NGLY1: variants seen among roughly 807,000 people sequenced by gnomAD.
The protein encoded by NGLY1 is N-glycanase 1, also known as peptide-N(4)-(N-acetyl-beta-glucosaminyl)asparagine amidase.
A neutral mutation model predicts 84.6 loss-of-function variants in NGLY1; 68 were observed. That is an observed-to-expected ratio of 0.80 (90% CI 0.66 to 0.98). The LOEUF (loss-of-function observed/expected upper bound fraction) is 0.98, where lower values mean the gene tolerates loss of function less well. Among genes scored for constraint, NGLY1 ranks in the 50% least tolerant of loss-of-function variants. The probability of loss-of-function intolerance (pLI) is 0.00; values close to 1 mark genes in which losing one functional copy is unlikely to be tolerated. For synonymous variants in NGLY1, 280 were observed against 275.2 expected (o/e 1.02, Z -0.17); for missense variants, 779 against 770.2 (o/e 1.01, Z -0.14).
intron 4 of NGLY1, among the ~76,000 whole-genome samples, chr3:25,744,795 C>T (rs1371090115): frequency 6.6e-6 from 1 of 152,112 alleles, no homozygotes; most frequent in Non-Finnish European, 1.5e-5. Context: ...TTTCTTCTTC[C>T]TGATGTTTGG....
intron 4 of NGLY1, among the ~76,000 whole-genome samples, chr3:25,750,867 AC>A (rs1376384913): frequency 3.9e-5 from 6 of 152,160 alleles, no homozygotes; most frequent in Non-Finnish European, 8.8e-5. Flanking sequence ...CAGAATCCAC[AC>A]ATACTCATGT....
intron 3 of NGLY1, among the ~76,000 whole-genome samples, chr3:25,751,981 T>C (rs975251949): frequency 2.6e-5 from 4 of 152,148 alleles, no homozygotes; most frequent in African/African-American, 4.8e-5. Context: ...CTGTGCAACA[T>C]GTACTGCCCT....
At chr3:25,720,969 T>TAATC (rs34707518) in intron 10 of NGLY1, among the ~76,000 whole-genome samples, 3 of 15,800 alleles carry the variant, frequency 1.9e-4, no homozygotes, top group African/African-American at 2.5e-4. Flanking sequence ...TTGTTTGAAA[T>TAATC]CTTGGAAAGA....
intron 3 of NGLY1, among the ~76,000 whole-genome samples, chr3:25,753,998 T>C (rs1270973859): frequency 2.6e-5 from 4 of 152,034 alleles, no homozygotes; most frequent in Non-Finnish European, 5.9e-5. Context: ...ATTCAACAAA[T>C]AATGACAGAC....
chr3:25,723,237 C>T (rs945931498), intron 10 of NGLY1, among the ~76,000 whole-genome samples: 1 of 152,096 alleles, frequency 6.6e-6, no homozygotes, highest in African/African-American at 2.4e-5. Context: ...TGTCTGACAG[C>T]ATTTATTAAA....
intron 9 of NGLY1, among the ~76,000 whole-genome samples, chr3:25,731,324 G>A (rs769464716): frequency 6.6e-6 from 1 of 151,922 alleles, no homozygotes; most frequent in Non-Finnish European, 1.5e-5. Context: ...CTTCACAAAA[G>A]AGAATGAGGA....
At chr3:25,743,911 G>A (rs944779136) in intron 4 of NGLY1, among the ~76,000 whole-genome samples, 6 of 152,124 alleles carry the variant, frequency 3.9e-5, no homozygotes, top group Non-Finnish European at 8.8e-5. Flanking sequence ...GGGGCTCAGA[G>A]AAATAAAAGT....
At chr3:25,728,087 C>T (rs558783233) in intron 10 of NGLY1, among the ~76,000 whole-genome samples, 1 of 151,978 alleles carries the variant, frequency 6.6e-6, no homozygotes, top group Non-Finnish European at 1.5e-5. Flanking sequence ...TTAGAATAAT[C>T]CTGTAAGTTA....
chr3:25,741,797 C>T (rs576294168), intron 4 of NGLY1, among the ~76,000 whole-genome samples: 8 of 151,908 alleles, frequency 5.3e-5, no homozygotes, highest in South Asian at 4.2e-4. Flanking sequence ...TGGAGAACAG[C>T]CTGCCCAACA....
At chr3:25,765,491 T>C (rs1707519088) in intron 2 of NGLY1, among the ~76,000 whole-genome samples, 1 of 150,420 alleles carries the variant, frequency 6.6e-6, no homozygotes, top group Non-Finnish European at 1.5e-5. Flanking sequence ...CAGTCTGTAG[T>C]ACACAGACCT....
At position 25,764,257 on chromosome 3, in the gene NGLY1, T is replaced by C. The variant is rs1707453008; in HGVS notation, c.301A>G (p.Ile101Val). The change falls in exon 3 of 12, where the codon ATT (isoleucine) becomes GTT (valine). Residue 101 changes from isoleucine (I) to valine (V), a missense_variant. Physicochemically the swap from Ile to Val is conservative, Grantham distance 29 (BLOSUM62 3). Coordinates refer to ENST00000280700, the MANE Select transcript of NGLY1 (RefSeq NM_018297.4). ...CTCTCTATGGCAATCAGGTCACGAA[T>C]TTTTTGCAGCTGCTCCACTGAAGCT... is the stretch of plus-strand genomic sequence containing the variant. ...KKASVEQLQK[I>V]RDLIAIERSS... is the part of the protein sequence containing the mutation. 1.9e-6 allele frequency: 3 copies of C among 1,614,128 alleles called. No homozygotes were observed. Among genetic ancestry groups the C allele is most frequent in the Non-Finnish European group, 2.5e-6 (3 of 1,180,012 alleles).
chr3:25,748,974 G>A (rs778787562), intron 4 of NGLY1, among the ~76,000 whole-genome samples: 12 of 151,888 alleles, frequency 7.9e-5, no homozygotes, highest in Admixed American at 2.6e-4. Flanking sequence ...ATATTCAAAT[G>A]ACCAATAAGC....
intron 9 of NGLY1, 72 bp from the exon 10 acceptor site, chr3:25,729,390 G>T: frequency 1.0e-6 from 1 of 962,778 alleles, no homozygotes. Context: ...AAATTACTAA[G>T]CAGAGTGGTA....
intron 2 of NGLY1, among the ~76,000 whole-genome samples, chr3:25,767,803 T>C (rs1044261659): frequency 1.3e-5 from 2 of 152,134 alleles, no homozygotes; most frequent in East Asian, 1.9e-4. Flanking sequence ...TCTTACCATA[T>C]ACAAAAATCA....
chr3:25,727,724 T>TA (rs1705330204), intron 10 of NGLY1, among the ~76,000 whole-genome samples: 1 of 152,174 alleles, frequency 6.6e-6, no homozygotes, highest in African/African-American at 2.4e-5. Flanking sequence ...GATGAACAAA[T>TA]GAGTGTATAA....
chr3:25,772,693 G>T (rs1276326648), intron 2 of NGLY1, among the ~76,000 whole-genome samples: 1 of 150,966 alleles, frequency 6.6e-6, no homozygotes, highest in Non-Finnish European at 1.5e-5. Flanking sequence ...TGAATACTTT[G>T]TTTTTTTTTC....
At chr3:25,755,300 T>G (rs986895676) in intron 3 of NGLY1, 1 of 1,364,612 alleles carries the variant, frequency 7.3e-7, no homozygotes, top group Admixed American at 1.7e-5. Context: ...AGCTCCAAAC[T>G]ATAGGCTGAA....
chr3:25,725,797 G>T (rs2125453346), intron 10 of NGLY1, among the ~76,000 whole-genome samples: 1 of 152,206 alleles, frequency 6.6e-6, no homozygotes, highest in East Asian at 1.9e-4. Flanking sequence ...AATACTTGGA[G>T]TATGAGGTTT....
chr3:25,748,495 C>G (rs568988120), intron 4 of NGLY1, among the ~76,000 whole-genome samples: 1 of 152,174 alleles, frequency 6.6e-6, no homozygotes, highest in Non-Finnish European at 1.5e-5. Flanking sequence ...ACATGAAAGG[C>G]CTGTTTACCT....
Sources: allele counts gnomAD v4.1 joint callset (sites outside exome capture counted in the v4.1 genomes callset), GRCh38; gene constraint gnomAD v4.1.1; transcripts MANE v1.5; gene names NCBI Gene and HGNC (gene_info 2026-07-23, HGNC 2026-07-21).